The following UBE2Q1 variants were observed in gnomAD, a reference collection of about 807,000 sequenced individuals.
UBE2Q1 encodes the protein ubiquitin-conjugating enzyme E2 Q1.
UBE2Q1 carries 6 observed loss-of-function variants against 60.1 expected under a neutral mutation model. That is an observed-to-expected ratio of 0.10 (90% CI 0.05 to 0.20). The LOEUF (loss-of-function observed/expected upper bound fraction) is 0.20. Ranked by LOEUF, UBE2Q1 falls within the 10% of genes least tolerant of loss-of-function variation. The probability of loss-of-function intolerance (pLI) is 1.00; values close to 1 mark genes in which losing one functional copy is unlikely to be tolerated. For missense variants in UBE2Q1, 262 were observed against 525.8 expected, an observed-to-expected ratio of 0.50 and a Z score of 4.91; for synonymous variants, 226 against 208.3, an observed-to-expected ratio of 1.09 and a Z score of -0.73.
At chr1:154,556,063 C>T in intron 1 of UBE2Q1, 99 bp from the exon 2 acceptor site, 1 of 961,458 alleles carries the variant, frequency 1.0e-6, no homozygotes, top group East Asian at 2.6e-5. Flanking sequence ...AGCCCCTTTG[C>T]TTCCCACCCC....
rs190270009 is a variant in UBE2Q1, at chr1:154,551,611, A to T, written c.1075-119T>A. ...AGGGCCCTTGCCCTTTGCCCCCAGC[A>T]CTGCCACCACCTGTCTGTCTAGGTC... On this transcript the variant is annotated intron_variant, in intron 10 of 12. Transcript: ENST00000292211. 7 of 1,431,912 alleles carry T rather than the reference A, an allele frequency of 4.9e-6. No individual in the cohort carries two copies. The East Asian group carries it at 9.1e-5, about 19-fold the overall frequency. The allele number at this position is 1,431,912 out of a possible 1,614,324, so 88.7% of individuals were successfully genotyped here.
At chr1:154,554,025 T>C (rs1056564379) in intron 4 of UBE2Q1, among the ~76,000 whole-genome samples, 8 of 152,228 alleles carry the variant, frequency 5.3e-5, no homozygotes, top group Non-Finnish European at 1.2e-4. Context: ...CATACCTAAT[T>C]ACCACACCAG....
chr1:154,554,827 G>T (rs751832171), intron 3 of UBE2Q1, 42 bp from the exon 4 acceptor site: 1 of 1,605,944 alleles, frequency 6.2e-7, no homozygotes, highest in Non-Finnish European at 8.5e-7. Flanking sequence ...AGCCCCAGTG[G>T]CTTGCTAGAA....
In UBE2Q1 at chr1:154,549,527, A is replaced by G. The variant is rs778949596; in HGVS notation, c.*911T>C. 3 of 152,742 alleles carry G rather than the reference A, an allele frequency of 2.0e-5. No individual in the cohort carries two copies. The highest frequency in any genetic ancestry group is 2.9e-5 in the Non-Finnish European group (2 of 68,104). 9.5% of individuals were successfully genotyped at this position (152,742 alleles called of 1,614,324 possible). A position where few individuals can be genotyped will look rare whatever the true frequency, so the allele number is the denominator to read the frequency against. On this transcript the variant is annotated 3_prime_UTR_variant, in exon 13 of 13. Transcript: ENST00000292211. Reference sequence around the variant, plus strand: ...CTTTCCAGGAGAGGAACCAATGAACAGCGAAGAGTTGCAGCCACACAGCTG... The same window carrying G: ...CTTTCCAGGAGAGGAACCAATGAACGGCGAAGAGTTGCAGCCACACAGCTG...
intron 1 of UBE2Q1, among the ~76,000 whole-genome samples, chr1:154,556,661 A>G (rs1695894021): frequency 6.6e-6 from 1 of 152,188 alleles, no homozygotes; most frequent in Non-Finnish European, 1.5e-5. Flanking sequence ...CCACGGTGCC[A>G]AATGCAGCCT....
chr1:154,552,803 C>T lies in UBE2Q1; in HGVS notation c.747G>A (p.Ser249=), dbSNP rs778152974. ...TCATCAGCCGGTCAGTGGCCTGCAC[C>T]GAGCCAGACACTGCACCCTGTGAGG... The part of the protein sequence containing the change: ...QDYLNGAVSG[S]VQATDRLMKE... The change falls in exon 6 of 13, where the codon TCG becomes TCA. Residue 249 remains serine, a synonymous_variant. Coordinates refer to ENST00000292211, the MANE Select transcript of UBE2Q1 (RefSeq NM_017582.7). 8.1e-6 allele frequency: 13 copies of T among 1,614,046 alleles called. No individual in the cohort carries two copies. Among genetic ancestry groups the T allele is most frequent in the African/African-American group, 5.3e-5 (4 of 74,926 alleles).
chr1:154,557,284 C>T (rs1695908403), intron 1 of UBE2Q1, among the ~76,000 whole-genome samples: 1 of 152,228 alleles, frequency 6.6e-6, no homozygotes, highest in African/African-American at 2.4e-5. Flanking sequence ...GCTAGCATTT[C>T]AGCTACTGCT....
At position 154,558,532 on chromosome 1, in the gene UBE2Q1, C is replaced by CCTGCGG. The variant is rs1242781946; in HGVS notation, c.16_21dup (p.Pro6_Gln7dup). 12 of 1,103,430 alleles carry CCTGCGG rather than the reference C, an allele frequency of 1.1e-5. No homozygotes were observed. Among genetic ancestry groups the CCTGCGG allele is most frequent in the Non-Finnish European group, 1.3e-5 (12 of 911,650 alleles). 68.4% of individuals were successfully genotyped at this position (1,103,430 alleles called of 1,614,324 possible). A position where few individuals can be genotyped will look rare whatever the true frequency, so the allele number is the denominator to read the frequency against. The stretch of plus-strand genomic sequence containing the variant: ...TGCCCCGGCCCCGGCTGCTGCTGCC[C>CCTGCGG]CTGCGGCTGCGGCTGCTGCATCCTC... On this transcript the variant is annotated inframe_insertion, in exon 1 of 13. Coordinates refer to ENST00000292211, the MANE Select transcript of UBE2Q1 (RefSeq NM_017582.7).
intron 1 of UBE2Q1, 64 bp from the exon 2 acceptor site, chr1:154,556,028 CTGT>C: frequency 7.0e-7 from 1 of 1,436,646 alleles, no homozygotes. Context: ...CAGATTTTGC[CTGT>C]CCTCTTCCCC....
chr1:154,555,226 A>G (rs576264302), intron 3 of UBE2Q1, among the ~76,000 whole-genome samples: 4 of 152,322 alleles, frequency 2.6e-5, no homozygotes, highest in African/African-American at 7.2e-5. Context: ...ATGAATTTTG[A>G]TATCAGAGAT....
At position 154,558,254 on chromosome 1, in the gene UBE2Q1, A is replaced by T; in HGVS notation, c.300T>A (p.Asp100Glu). The change falls in exon 1 of 13, where the codon GAT becomes GAA. Residue 100 changes from aspartate (D) to glutamate (E), a missense_variant. Around this residue, in one of 5 missense-constraint regions of UBE2Q1, gnomAD observed 49 missense variants for 32.5 expected, o/e 1.51. Coordinates refer to ENST00000292211, the MANE Select transcript of UBE2Q1 (RefSeq NM_017582.7). Reference sequence around the variant, plus strand: ...TGATGTTGCAGTGGATGCGGACAGGATCCCCAGGCACCGACCCCCGTGGGG... The same window carrying T: ...TGATGTTGCAGTGGATGCGGACAGGTTCCCCAGGCACCGACCCCCGTGGGG... ...HLPPRGSVPGDPVRIHCNITE... is the reference protein window; with the variant it reads ...HLPPRGSVPGEPVRIHCNITE... 2 of 1,560,060 alleles carry T rather than the reference A, an allele frequency of 1.3e-6. No individual in the cohort carries two copies. Among genetic ancestry groups the T allele is most frequent in the Non-Finnish European group, 8.7e-7 (1 of 1,155,920 alleles).
At position 154,558,283 on chromosome 1, in the gene UBE2Q1, G is replaced by A. The variant is rs1485319244; in HGVS notation, c.271C>T (p.Leu91Phe). 4 of 1,580,754 alleles carry A rather than the reference G, an allele frequency of 2.5e-6. No individual in the cohort carries two copies. Among genetic ancestry groups the A allele is most frequent in the Non-Finnish European group, 3.4e-6 (4 of 1,166,630 alleles). ...AGAGAAPGPH[L>F]PPRGSVPGDP... ...CCAGGCACCGACCCCCGTGGGGGGA[G>A]ATGCGGTCCGGGCGCGGCCCCCGCC... Residue 91 changes from leucine to phenylalanine, a missense_variant, in exon 1 of 13, where the codon CTC (leucine) becomes TTC (phenylalanine). By Grantham distance (22) the Leu-to-Phe change is conservative (BLOSUM62 0). Transcript: ENST00000292211.
Position 154,552,123 on chromosome 1 carries a change from G to A in UBE2Q1, c.936C>T (p.Ala312=), listed in dbSNP as rs373765486. ...AGGAAAAGTTAAGTAGAATGAAGTC[G>A]GCTCCTTCTTTCTCTTTGAGGATCT... is the stretch of plus-strand genomic sequence containing the variant. ...DLQILKEKEG[A]DFILLNFSFK... Residue 312 remains alanine, a synonymous_variant, in exon 8 of 13, where the codon GCC becomes GCT. Coordinates refer to ENST00000292211, the MANE Select transcript of UBE2Q1 (RefSeq NM_017582.7). 28 of 1,614,076 alleles carry A rather than the reference G, an allele frequency of 1.7e-5. No individual in the cohort carries two copies. In the Admixed American group the frequency reaches 3.0e-4, roughly 17 times the overall value.
In UBE2Q1 at chr1:154,555,166, G is replaced by A. The variant is rs897711976; in HGVS notation, c.537+262C>T. ...CACCAACTGTTATTGCTAAGATAAT[G>A]GTAAAAATTCCCCCGCTCCCTTTCA... is the stretch of plus-strand genomic sequence containing the variant. On this transcript the variant is annotated intron_variant, in intron 3 of 12. Transcript: ENST00000292211. 3 of 568,502 alleles carry A rather than the reference G, an allele frequency of 5.3e-6. No individual in the cohort carries two copies. The African/African-American group carries it at 5.6e-5, about 11-fold the overall frequency. 35.2% of individuals were successfully genotyped at this position (568,502 alleles called of 1,614,324 possible). A position where few individuals can be genotyped will look rare whatever the true frequency, so the allele number is the denominator to read the frequency against.
intron 11 of UBE2Q1, 190 bp downstream of exon 11, chr1:154,551,207 A>G: frequency 2.4e-6 from 2 of 834,324 alleles, no homozygotes; most frequent in East Asian, 5.1e-5. Context: ...ACCTCCCAAA[A>G]GTCCTAGGGG....
rs771114797 is a variant in UBE2Q1 at position 154,552,817 on chromosome 1, C to T, written c.733G>A (p.Ala245Thr). ...KNQRQDYLNGAVSGSVQATDR... is the reference protein window; with the variant it reads ...KNQRQDYLNGTVSGSVQATDR... ...GTGGCCTGCACCGAGCCAGACACTG[C>T]ACCCTGTGAGGGACGGATGACAGGA... is the stretch of plus-strand genomic sequence containing the variant. The change falls in exon 6 of 13, where the codon GCA becomes ACA. Residue 245 changes from alanine to threonine, a missense_variant. Ala to Thr is a moderately conservative substitution (Grantham distance 58). Coordinates refer to ENST00000292211, the MANE Select transcript of UBE2Q1 (RefSeq NM_017582.7). 1.2e-6 allele frequency: 2 copies of T among 1,614,204 alleles called. No individual in the cohort carries two copies. Among genetic ancestry groups the T allele is most frequent in the Non-Finnish European group, 8.5e-7 (1 of 1,180,012 alleles).
At chr1:154,552,931 C>T in intron 5 of UBE2Q1, 101 bp downstream of exon 5, 2 of 1,584,230 alleles carry the variant, frequency 1.3e-6, no homozygotes, top group Non-Finnish European at 1.7e-6. Flanking sequence ...GGATTAGGCA[C>T]AAAAAAGGAG....
intron 1 of UBE2Q1, 69 bp from the exon 2 acceptor site, chr1:154,556,033 C>T (rs1695880139): frequency 1.4e-6 from 2 of 1,391,736 alleles, no homozygotes; most frequent in South Asian, 2.4e-5. Flanking sequence ...TTTGCCTGTC[C>T]TCTTCCCCCC....
chr1:154,558,536 C>A lies in UBE2Q1; in HGVS notation c.18G>T (p.Pro6=). 1 of 1,087,234 alleles carries A rather than the reference C, an allele frequency of 9.2e-7. No individual in the cohort carries two copies. Among genetic ancestry groups the A allele is most frequent in the South Asian group, 4.4e-5 (1 of 22,740 alleles). 67.3% of individuals were successfully genotyped at this position (1,087,234 alleles called of 1,614,324 possible). Residue 6 remains proline, a synonymous_variant, in exon 1 of 13, where the codon CCG becomes CCT. Coordinates refer to ENST00000292211, the MANE Select transcript of UBE2Q1 (RefSeq NM_017582.7). The part of the protein sequence containing the change: MQQPQ[P]QGQQQPGPGQ... Reference sequence around the variant, plus strand: ...CCGGCCCCGGCTGCTGCTGCCCCTGCGGCTGCGGCTGCTGCATCCTCCGCT... The same window carrying A: ...CCGGCCCCGGCTGCTGCTGCCCCTGAGGCTGCGGCTGCTGCATCCTCCGCT...
Sources: allele counts gnomAD v4.1 joint callset (sites outside exome capture counted in the v4.1 genomes callset), GRCh38; gene constraint gnomAD v4.1.1; regional missense constraint gnomAD v4.1.1; transcripts MANE v1.5; gene names NCBI Gene and HGNC (gene_info 2026-07-23, HGNC 2026-07-21).